Variants in WDR7 observed in about 807,000 individuals in gnomAD.
WDR7 encodes WD repeat domain 7.
Under a neutral mutation model 169.4 loss-of-function variants are expected in WDR7, and 46 were observed. The ratio of observed to expected loss-of-function variants is 0.27; its 90% CI spans 0.21 to 0.35. The LOEUF is 0.35. WDR7 is among the 10% of genes least tolerant of loss of function. WDR7 has a pLI of 1.00. For missense variants in WDR7, 1,534 were observed against 1,859.3 expected (o/e 0.83, Z 3.22); for synonymous variants, 612 against 666.8 (o/e 0.92, Z 1.27).
intron 17 of WDR7, among the ~76,000 whole-genome samples, chr18:56,777,437 G>A (rs147668625): frequency 1.5e-3 from 233 of 152,148 alleles, no homozygotes; most frequent in African/African-American, 5.3e-3. Flanking sequence ...AGTATTTAAG[G>A]CGTAGTTGGG....
chr18:56,703,614 A>G (rs2025882635), intron 12 of WDR7, among the ~76,000 whole-genome samples: 1 of 152,042 alleles, frequency 6.6e-6, no homozygotes, highest in South Asian at 2.1e-4. Context: ...ACATTTTCAT[A>G]TATTTTTATG....
chr18:57,008,289 T>TG (rs2048093643), intron 26 of WDR7, among the ~76,000 whole-genome samples: 1 of 152,186 alleles, frequency 6.6e-6, no homozygotes, highest in South Asian at 2.1e-4. Context: ...TCTTCCTTTC[T>TG]GTTTCCCTCT....
At chr18:56,754,304 T>C (rs928356356) in intron 14 of WDR7, among the ~76,000 whole-genome samples, 2 of 150,110 alleles carry the variant, frequency 1.3e-5, no homozygotes, top group African/African-American at 2.5e-5. Context: ...TGTGTGTGTA[T>C]GTATATACAT....
intron 26 of WDR7, among the ~76,000 whole-genome samples, chr18:56,982,586 G>A (rs2047662456): frequency 6.6e-6 from 1 of 152,138 alleles, no homozygotes; most frequent in Non-Finnish European, 1.5e-5. Context: ...TTTCCATGAA[G>A]CAGATAGAGA....
At chr18:56,941,113 A>G (rs1475349636) in intron 25 of WDR7, among the ~76,000 whole-genome samples, 3 of 152,152 alleles carry the variant, frequency 2.0e-5, no homozygotes, top group Non-Finnish European at 4.4e-5. Flanking sequence ...CCCTGGGGAA[A>G]CAATGATGAA....
At chr18:57,032,066 T>G (rs1201816951), downstream of WDR7, 1 of 152,236 alleles carries the variant, frequency 6.6e-6, no homozygotes, top group Non-Finnish European at 1.5e-5. Flanking sequence ...GCCATATTGC[T>G]ATGTGTTACC....
intron 2 of WDR7, among the ~76,000 whole-genome samples, chr18:56,673,008 C>T (rs531788001): frequency 6.6e-6 from 1 of 152,186 alleles, no homozygotes; most frequent in African/African-American, 2.4e-5. Context: ...ATGGTAAATG[C>T]TTTGAAGAGG....
chr18:56,699,094 A>G (rs1267400302), intron 12 of WDR7, among the ~76,000 whole-genome samples: 1 of 152,256 alleles, frequency 6.6e-6, no homozygotes, highest in Non-Finnish European at 1.5e-5. Context: ...TTCTTATTCA[A>G]AAGTCCTGAT....
intron 18 of WDR7, among the ~76,000 whole-genome samples, chr18:56,780,650 A>T (rs530119228): frequency 8.9e-4 from 136 of 152,166 alleles, no homozygotes; most frequent in African/African-American, 3.2e-3. Context: ...ACAAAAAAAA[A>T]TTAGCCGGTC....
rs2026673341 is a variant in WDR7, at chr18:56,735,200, TG to T, written c.1989+3605del. ...GAAATAGGATTAGGCCCTGGAAATG[TG>T]GAAAAGGGGATGGTTAGGAAGCTGT... On this transcript the variant is annotated intron_variant, in intron 14 of 27. Transcript: ENST00000254442. Among the ~76,000 whole-genome samples the T allele has an allele frequency of 5.9e-5, 9 of 152,202 alleles. No homozygotes were observed. In the South Asian group the frequency reaches 1.9e-3, roughly 32 times the overall value.
chr18:56,903,032 T>A (rs1475107962), intron 21 of WDR7, among the ~76,000 whole-genome samples: 1 of 152,196 alleles, frequency 6.6e-6, no homozygotes, highest in Non-Finnish European at 1.5e-5. Context: ...GAAATAAATA[T>A]TGGCCTTTCT....
At chr18:56,968,194 T>C (rs2047438012) in intron 26 of WDR7, among the ~76,000 whole-genome samples, 1 of 152,168 alleles carries the variant, frequency 6.6e-6, no homozygotes. Flanking sequence ...ATAACTTTAC[T>C]ATTGAAAAGT....
At chr18:56,847,511 G>A (rs1389585689) in intron 20 of WDR7, among the ~76,000 whole-genome samples, 1 of 152,174 alleles carries the variant, frequency 6.6e-6, no homozygotes, top group Non-Finnish European at 1.5e-5. Flanking sequence ...CCACTTGCTA[G>A]AGAGGTTAGT....
intron 14 of WDR7, 135 bp downstream of exon 14, chr18:56,731,732 T>G: frequency 1.3e-6 from 1 of 791,228 alleles, no homozygotes; most frequent in Non-Finnish European, 1.9e-6. Context: ...TTCATTTAGG[T>G]TTATCCAACA....
chr18:56,808,143 T>G (rs545532880), intron 19 of WDR7, among the ~76,000 whole-genome samples: 8 of 152,290 alleles, frequency 5.3e-5, no homozygotes, highest in Admixed American at 3.9e-4. Flanking sequence ...AGGCAGGCTG[T>G]CTGTCTGTCA....
chr18:56,691,365 T>C lies in WDR7; in HGVS notation c.863+4T>C, dbSNP rs1023212905. The C allele has an allele frequency of 9.5e-6, 15 of 1,582,420 alleles. No homozygotes were observed. Among genetic ancestry groups the C allele is most frequent in the Admixed American group, 2.1e-5 (1 of 48,396 alleles). The stretch of plus-strand genomic sequence containing the variant: ...ATATTTACAAACTACCTGCCAGGTA[T>C]GCAGCAAGTAATAAATTAGGACAGT... On this transcript the variant is annotated splice_donor_region_variant and intron_variant, in intron 8 of 27. Transcript: ENST00000254442.
intron 21 of WDR7, among the ~76,000 whole-genome samples, chr18:56,911,197 A>G (rs539097657): frequency 6.6e-6 from 1 of 152,198 alleles, no homozygotes; most frequent in Non-Finnish European, 1.5e-5. Flanking sequence ...AGAGCAGAAG[A>G]TCTCAACAGC....
intron 25 of WDR7, among the ~76,000 whole-genome samples, chr18:56,948,340 G>A (rs1399092560): frequency 3.3e-5 from 5 of 151,370 alleles, no homozygotes; most frequent in Non-Finnish European, 7.4e-5. Context: ...AGTTAAGGCA[G>A]TTTATTTGAT....
At chr18:56,922,390 G>A (rs1226975928) in intron 21 of WDR7, among the ~76,000 whole-genome samples, 1 of 152,054 alleles carries the variant, frequency 6.6e-6, no homozygotes, top group Middle Eastern at 3.2e-3. Context: ...AGCATTTCAT[G>A]TGATAAAAGG....
Sources: allele counts gnomAD v4.1 joint callset (sites outside exome capture counted in the v4.1 genomes callset), GRCh38; gene constraint gnomAD v4.1.1; transcripts MANE v1.5; gene names NCBI Gene and HGNC (gene_info 2026-07-23, HGNC 2026-07-21).